The following HERC1 variants were observed in gnomAD, a reference collection of about 807,000 sequenced individuals.
HERC1 encodes the protein probable E3 ubiquitin-protein ligase HERC1.
Under a neutral mutation model 554.3 loss-of-function variants are expected in HERC1, and 160 were observed. That is an observed-to-expected ratio of 0.29 (90% confidence interval 0.25 to 0.33). HERC1 has a LOEUF of 0.33. Among genes scored for constraint, HERC1 ranks in the 10% least tolerant of loss-of-function variants. The probability of loss-of-function intolerance (pLI) is 1.00; values close to 1 mark genes in which losing one functional copy is unlikely to be tolerated. For synonymous variants in HERC1, 2,175 were observed against 2,131.7 expected (o/e 1.02, Z -0.56); for missense variants, 4,919 against 5,918.5 (o/e 0.83, Z 5.54).
At chr15:63,636,180 G>A in intron 64 of HERC1, 38 bp from the exon 65 acceptor site, 1 of 1,575,418 alleles carries the variant, frequency 6.3e-7, no homozygotes, top group Non-Finnish European at 8.7e-7. Context: ...GTCACTGGAT[G>A]TTAAAACTCT....
chr15:63,645,320 T>G (rs2069278877), intron 56 of HERC1, among the ~76,000 whole-genome samples, 163 bp downstream of exon 56: 1 of 152,192 alleles, frequency 6.6e-6, no homozygotes, highest in African/African-American at 2.4e-5. Flanking sequence ...ACTGGACAAC[T>G]ACTACTCTTT....
At chr15:63,789,681 C>G (rs1472228687) in intron 1 of HERC1, among the ~76,000 whole-genome samples, 2 of 151,448 alleles carry the variant, frequency 1.3e-5, no homozygotes, top group African/African-American at 4.8e-5. Flanking sequence ...ACCTGTAATC[C>G]CAGGTATTTG....
At chr15:63,812,268 T>TC (rs1306401476) in intron 1 of HERC1, among the ~76,000 whole-genome samples, 2 of 152,190 alleles carry the variant, frequency 1.3e-5, no homozygotes, top group African/African-American at 4.8e-5. Flanking sequence ...GACACAACCT[T>TC]CCATCTCTTA....
intron 1 of HERC1, among the ~76,000 whole-genome samples, chr15:63,805,971 C>A (rs1313315275): frequency 6.6e-6 from 1 of 151,766 alleles, no homozygotes; most frequent in Non-Finnish European, 1.5e-5. Flanking sequence ...CAAACAAAAC[C>A]CAATTACTTG....
rs1213878064 is a variant in HERC1, at chr15:63,652,508, G to C, written c.10324C>G (p.Leu3442Val). Residue 3442 changes from leucine to valine, a missense_variant, in exon 52 of 78, where the codon CTT (leucine) becomes GTT (valine). Leu to Val is a conservative substitution (Grantham distance 32, BLOSUM62 1). Coordinates refer to ENST00000443617, the MANE Select transcript of HERC1 (RefSeq NM_003922.4). ...MTCVWCNKKG[L>V]LATSGNDGTI... is the part of the protein sequence containing the mutation. ...CCATCATTGCCACTTGTAGCCAAAA[G>C]ACCTTTTTTATTACACCAAACACAT... The C allele has an allele frequency of 1.2e-6, 2 of 1,603,894 alleles. No individual in the cohort carries two copies. The highest frequency in any genetic ancestry group is 2.2e-5 in the South Asian group (2 of 89,498).
At position 63,609,075 on chromosome 15, in the gene HERC1, G is replaced by A. The variant is rs1483739662; in HGVS notation, c.*6C>T. The A allele has an allele frequency of 3.6e-5, 58 of 1,610,050 alleles. No homozygotes were observed. In the East Asian group the frequency reaches 5.4e-4, roughly 15 times the overall value. On this transcript the variant is annotated 3_prime_UTR_variant, in exon 78 of 78. Coordinates refer to ENST00000443617, the MANE Select transcript of HERC1 (RefSeq NM_003922.4). ...GAGAGAAGGGAGGGTGAGAGCACCC[G>A]CACGGTCAGTAGTCAGTGTCGGAGC...
intron 1 of HERC1, among the ~76,000 whole-genome samples, chr15:63,789,078 GTTTTTTTTTTT>G (rs71131178): frequency 3.6e-4 from 30 of 83,610 alleles, no homozygotes; most frequent in African/African-American, 1.5e-3. Flanking sequence ...GGAATAAAAG[GTTTTTTTTTTT>G]TTTTTTTTTT....
chr15:63,735,744 G>A (rs1407564990), intron 12 of HERC1, among the ~76,000 whole-genome samples: 1 of 152,056 alleles, frequency 6.6e-6, no homozygotes, highest in African/African-American at 2.4e-5. Flanking sequence ...TTTTCTGTAA[G>A]TCAATGTTCT....
In HERC1 at chr15:63,749,168, C is replaced by A. The variant is rs937782968; in HGVS notation, c.2219+199G>T. Among the ~76,000 whole-genome samples the A allele has an allele frequency of 2.0e-5, 3 of 152,092 alleles. No individual in the cohort carries two copies. Among genetic ancestry groups the A allele is most frequent in the Admixed American group, 6.5e-5 (1 of 15,268 alleles). On this transcript the variant is annotated intron_variant, in intron 10 of 77. Coordinates refer to ENST00000443617, the MANE Select transcript of HERC1 (RefSeq NM_003922.4). This position sits in a 1 kb window ranked among gnomAD's most constrained non-coding sequence, Gnocchi z 4.1. The stretch of plus-strand genomic sequence containing the variant: ...AAATACTGGGTATGACTTCTTGCTT[C>A]GGAAACATGTCTAACCTCAACATTC...
intron 77 of HERC1, among the ~76,000 whole-genome samples, chr15:63,610,800 A>G (rs534947183): frequency 2.0e-5 from 3 of 152,324 alleles, no homozygotes; most frequent in Admixed American, 2.0e-4. Context: ...CTGTTTTCTG[A>G]ACAAACATCA....
At chr15:63,820,200 C>T (rs921234021) in intron 1 of HERC1, among the ~76,000 whole-genome samples, 7 of 152,106 alleles carry the variant, frequency 4.6e-5, no homozygotes, top group Non-Finnish European at 8.8e-5. Context: ...TAGTGTTATT[C>T]CTTTATATGT....
intron 7 of HERC1, 32 bp downstream of exon 7, chr15:63,754,473 C>G: frequency 1.3e-6 from 2 of 1,526,790 alleles, no homozygotes; most frequent in Non-Finnish European, 1.8e-6. Context: ...AAGAAAAAAG[C>G]CAAAGCTACT....
chr15:63,694,040 T>G lies in HERC1; in HGVS notation c.5598A>C (p.Glu1866Asp). 1 of 1,599,658 alleles carries G rather than the reference T, an allele frequency of 6.3e-7. No individual in the cohort carries two copies. The highest frequency in any genetic ancestry group is 2.2e-5 in the East Asian group (1 of 44,616). Residue 1866 changes from glutamate to aspartate, a missense_variant, in exon 30 of 78, where the codon GAA becomes GAC. Glu to Asp is a conservative substitution (Grantham distance 45, BLOSUM62 2). This residue lies in a region of HERC1 where 1,121 missense variants were observed against 1,244.0 expected (regional missense o/e 0.90). Transcript: ENST00000443617. The surrounding 1 kb of genome is among the most constrained non-coding windows in gnomAD (Gnocchi z 4.3). ...TGVLHMASFG[E>D]GEQEDGEEEE... ...CTTCTTCACCGTCTTCTTGCTCCCC[T>G]TCTCCGAAAGAGGCCATATGTAGTA... is the stretch of plus-strand genomic sequence containing the variant.
At chr15:63,826,533 T>C (rs974989963) in intron 1 of HERC1, among the ~76,000 whole-genome samples, 2 of 151,954 alleles carry the variant, frequency 1.3e-5, no homozygotes, top group Non-Finnish European at 2.9e-5. Context: ...ACCCCAAAAG[T>C]ATTTTAGAGC....
At chr15:63,830,444 G>A (rs1567173074) in intron 1 of HERC1, among the ~76,000 whole-genome samples, 1 of 152,046 alleles carries the variant, frequency 6.6e-6, no homozygotes, top group Non-Finnish European at 1.5e-5. Context: ...AACAAAAACT[G>A]AGGAACTGTC....
intron 74 of HERC1, among the ~76,000 whole-genome samples, chr15:63,618,386 T>A (rs960553310): frequency 2.6e-5 from 4 of 152,174 alleles, no homozygotes; most frequent in Non-Finnish European, 5.9e-5. Flanking sequence ...ACCAGTACCA[T>A]GCTGTTTTGG....
chr15:63,667,365 C>T (rs1380372274), intron 40 of HERC1, among the ~76,000 whole-genome samples: 2 of 151,624 alleles, frequency 1.3e-5, no homozygotes, highest in Non-Finnish European at 2.9e-5. Context: ...TCCATGTATT[C>T]AGTAAGTTAG....
chr15:63,622,830 C>G lies in HERC1; in HGVS notation c.13673G>C (p.Gly4558Ala). Residue 4558 changes from glycine to alanine, a missense_variant, in exon 74 of 78, where the codon GGT (glycine) becomes GCT (alanine). By Grantham distance (60) the Gly-to-Ala change is moderately conservative. Around this residue, in one of 11 missense-constraint regions of HERC1, gnomAD observed 284 missense variants for 294.1 expected, o/e 0.97. Transcript: ENST00000443617. ...ACTGCCATACCTGTCCCTATTGTAA[C>G]CCACTTCTGCGGTGGCATTGGGAGA... The part of the protein sequence containing the change: ...IPSPNATAEV[G>A]YNRDRFLFNP... The G allele has an allele frequency of 6.2e-7, 1 of 1,606,196 alleles. No homozygotes were observed. The highest frequency in any genetic ancestry group is 8.5e-7 in the Non-Finnish European group (1 of 1,176,688).
Position 63,623,827 on chromosome 15 carries a change from T to A in HERC1, c.13509A>T (p.Ser4503=), listed in dbSNP as rs535353408. ...IARQVVKLNA[S]DLRLPSRAWK... ...ACGCTCGGGAAGGCAGGCGGAGGTC[T>A]GAAGCATTCAGCTTAACTACTTGTC... The change falls in exon 73 of 78, where the codon TCA becomes TCT. Residue 4503 remains serine, a synonymous_variant. Coordinates refer to ENST00000443617, the MANE Select transcript of HERC1 (RefSeq NM_003922.4). 1.2e-6 allele frequency: 2 copies of A among 1,614,048 alleles called. No individual in the cohort carries two copies. Among genetic ancestry groups the A allele is most frequent in the East Asian group, 4.5e-5 (2 of 44,886 alleles).
Sources: gnomAD v4.1 joint callset for allele counts (sites outside exome capture counted in the v4.1 genomes callset) on GRCh38, gnomAD v4.1.1 for gene constraint, gnomAD v4.1.1 regional missense constraint, Gnocchi (gnomAD v3.1) non-coding constraint, MANE v1.5 for transcripts, NCBI Gene and HGNC (gene_info 2026-07-23, HGNC 2026-07-21) for gene names.